The following CDKAL1 variants were observed in gnomAD, a reference collection of about 807,000 sequenced individuals.
CDKAL1 encodes CDKAL1 threonylcarbamoyladenosine tRNA methylthiotransferase.
Under a neutral mutation model 68.2 loss-of-function variants are expected in CDKAL1, and 32 were observed. That is an observed-to-expected ratio of 0.47 (90% CI 0.35 to 0.63). CDKAL1 has a LOEUF of 0.63. CDKAL1 is among the 30% of genes least tolerant of loss of function. CDKAL1 has a pLI of 0.00. For missense variants in CDKAL1, 606 were observed against 696.7 expected (o/e 0.87, Z 1.47); for synonymous variants, 234 against 244.3 (o/e 0.96, Z 0.39).
At chr6:21,136,833 T>C (rs1775628259) in intron 13 of CDKAL1, among the ~76,000 whole-genome samples, 1 of 152,216 alleles carries the variant, frequency 6.6e-6, no homozygotes, top group Non-Finnish European at 1.5e-5. Flanking sequence ...TGTCCAGTGC[T>C]TTTTCCTTCA....
chr6:20,872,073 T>C (rs181272663), intron 9 of CDKAL1, among the ~76,000 whole-genome samples: 1 of 152,164 alleles, frequency 6.6e-6, no homozygotes, highest in East Asian at 1.9e-4. Flanking sequence ...TGTAGCTGCA[T>C]AGTTCTAGAT....
intron 5 of CDKAL1, among the ~76,000 whole-genome samples, chr6:20,674,034 C>A (rs1769974660): frequency 6.6e-6 from 1 of 152,064 alleles, no homozygotes; most frequent in Non-Finnish European, 1.5e-5. Context: ...ATTTTGACCT[C>A]TAACTGGTTA....
chr6:21,185,109 G>C (rs1158539379), intron 13 of CDKAL1, among the ~76,000 whole-genome samples: 1 of 151,802 alleles, frequency 6.6e-6, no homozygotes, highest in East Asian at 1.9e-4. Flanking sequence ...AGGAACTGTT[G>C]CAGTGGTTCC....
intron 8 of CDKAL1, among the ~76,000 whole-genome samples, chr6:20,795,932 G>C (rs1171964920): frequency 6.6e-6 from 1 of 152,118 alleles, no homozygotes; most frequent in East Asian, 1.9e-4. Flanking sequence ...AGCTGACTTG[G>C]CCAGTATAAG....
chr6:20,807,462 C>T (rs1232782876), intron 8 of CDKAL1, among the ~76,000 whole-genome samples: 1 of 152,226 alleles, frequency 6.6e-6, no homozygotes, highest in East Asian at 1.9e-4. Context: ...ACCTTGTGAT[C>T]GGCCCACCTC....
chr6:20,582,977 A>T (rs1191865165), intron 4 of CDKAL1, among the ~76,000 whole-genome samples: 1 of 151,976 alleles, frequency 6.6e-6, no homozygotes, highest in Non-Finnish European at 1.5e-5. Flanking sequence ...GACTGGAGAG[A>T]GTAAAAAGAG....
intron 8 of CDKAL1, among the ~76,000 whole-genome samples, chr6:20,792,938 C>T (rs1775957884): frequency 6.6e-6 from 1 of 152,088 alleles, no homozygotes; most frequent in African/African-American, 2.4e-5. Flanking sequence ...GAGTTGTGTA[C>T]CTAGAAGTTT....
At chr6:21,094,289 G>C (rs1773208667) in intron 12 of CDKAL1, among the ~76,000 whole-genome samples, 1 of 152,064 alleles carries the variant, frequency 6.6e-6, no homozygotes, top group African/African-American at 2.4e-5. Flanking sequence ...CAATATGGAG[G>C]TAAATACCAA....
intron 11 of CDKAL1, among the ~76,000 whole-genome samples, chr6:21,037,425 A>G (rs2150888876): frequency 6.6e-6 from 1 of 152,314 alleles, no homozygotes; most frequent in African/African-American, 2.4e-5. Context: ...ATGTATTATC[A>G]CCATTTTATA....
intron 12 of CDKAL1, among the ~76,000 whole-genome samples, chr6:21,093,060 A>G (rs910434522): frequency 1.3e-5 from 2 of 152,200 alleles, no homozygotes; most frequent in African/African-American, 4.8e-5. Flanking sequence ...AGAAATTGGC[A>G]ATGAATAATT....
chr6:20,916,764 A>T (rs1270805416), intron 9 of CDKAL1, among the ~76,000 whole-genome samples: 2 of 152,194 alleles, frequency 1.3e-5, no homozygotes, highest in Non-Finnish European at 2.9e-5. Flanking sequence ...ATCACTAAGC[A>T]TCTGATTGTA....
At chr6:21,222,994 A>T (rs1363104550) in intron 15 of CDKAL1, among the ~76,000 whole-genome samples, 1 of 152,152 alleles carries the variant, frequency 6.6e-6, no homozygotes, top group Non-Finnish European at 1.5e-5. Context: ...GGTCACAATT[A>T]CAAATTCGCA....
At chr6:21,180,388 A>C (rs1777744643) in intron 13 of CDKAL1, among the ~76,000 whole-genome samples, 1 of 146,534 alleles carries the variant, frequency 6.8e-6, no homozygotes, top group South Asian at 2.2e-4. Context: ...CACACTTGCC[A>C]GTCCTTGTGA....
At chr6:20,649,506 G>C in intron 5 of CDKAL1, 129 bp downstream of exon 5, 6 of 548,164 alleles carry the variant, frequency 1.1e-5, no homozygotes, top group Non-Finnish European at 1.9e-5. Context: ...GGACTTTTAA[G>C]ATTATACTAT....
At chr6:20,956,944 G>A (rs1050354415) in intron 10 of CDKAL1, among the ~76,000 whole-genome samples, 6 of 147,926 alleles carry the variant, frequency 4.1e-5, no homozygotes, top group African/African-American at 1.3e-4. Flanking sequence ...AAAATAAGTT[G>A]CAGGCATGTC....
intron 15 of CDKAL1, among the ~76,000 whole-genome samples, chr6:21,218,875 G>A (rs551919198): frequency 1.8e-4 from 27 of 152,284 alleles, no homozygotes; most frequent in African/African-American, 6.5e-4. Context: ...ATACCAGGAG[G>A]CGAGGCTCAC....
At chr6:20,872,660 G>A (rs1167029051) in intron 9 of CDKAL1, among the ~76,000 whole-genome samples, 10 of 152,224 alleles carry the variant, frequency 6.6e-5, no homozygotes, top group South Asian at 2.1e-4. Context: ...TGTCCTATTC[G>A]TTTTCCTTTT....
chr6:21,215,170 G>C (rs6913136), intron 15 of CDKAL1, among the ~76,000 whole-genome samples: 60,375 of 151,960 alleles, frequency 0.4, 12,193 homozygotes, highest in Admixed American at 0.46. Flanking sequence ...GGTGGATCTA[G>C]ATGGCCTCAA....
intron 10 of CDKAL1, among the ~76,000 whole-genome samples, chr6:20,964,613 C>T (rs1210879137): frequency 2.0e-5 from 3 of 152,264 alleles, no homozygotes; most frequent in East Asian, 1.9e-4. Context: ...CACGTGGACA[C>T]ATGGCGGGGA....
Sources: allele counts gnomAD v4.1 joint callset (sites outside exome capture counted in the v4.1 genomes callset), GRCh38; gene constraint gnomAD v4.1.1; transcripts MANE v1.5; gene names NCBI Gene and HGNC (gene_info 2026-07-23, HGNC 2026-07-21).